AK5: variants seen among roughly 807,000 people sequenced by gnomAD.
The protein encoded by AK5 is adenylate kinase 5.
Under a neutral mutation model 69.5 loss-of-function variants are expected in AK5, and 27 were observed. The observed-to-expected ratio is 0.39, with a 90% CI of 0.29 to 0.54. AK5 has a LOEUF of 0.54. AK5 is among the 20% of genes least tolerant of loss of function. The probability of loss-of-function intolerance (pLI) is 0.71; values close to 1 mark genes in which losing one functional copy is unlikely to be tolerated. For synonymous variants in AK5, 260 were observed against 244.4 expected, an observed-to-expected ratio of 1.06 and a Z score of -0.60; for missense variants, 531 against 700.4, an observed-to-expected ratio of 0.76 and a Z score of 2.73.
In AK5 at chr1:77,410,991, A is replaced by G. The variant is rs773021365; in HGVS notation, c.902A>G (p.Asp301Gly). 5 of 1,613,696 alleles carry G rather than the reference A, an allele frequency of 3.1e-6. No homozygotes were observed. The Admixed American group carries it at 6.7e-5, about 22-fold the overall frequency. ...CCTGATTTCCCCCAGTTTGATGCCG[A>G]CCGCGATGAGGATGAGGTGTTCTAT... ...EKGLIMTFDA[D>G]RDEDEVFYDI... The change falls in exon 7 of 14, where the codon GAC (aspartate) becomes GGC (glycine). Residue 301 changes from aspartate (D) to glycine (G), a missense_variant. Transcript: ENST00000354567.
chr1:77,394,597 C>T (rs1378157421), intron 6 of AK5, among the ~76,000 whole-genome samples: 1 of 151,772 alleles, frequency 6.6e-6, no homozygotes, highest in African/African-American at 2.4e-5. Flanking sequence ...TTTTACTGAA[C>T]AATGAACTCT....
chr1:77,496,406 A>G (rs1178148111), intron 10 of AK5, among the ~76,000 whole-genome samples: 1 of 152,234 alleles, frequency 6.6e-6, no homozygotes, highest in East Asian at 1.9e-4. Flanking sequence ...TCAGTGACAC[A>G]TCATCAGCTT....
intron 12 of AK5, among the ~76,000 whole-genome samples, chr1:77,525,586 A>T (rs1658230358): frequency 6.6e-6 from 1 of 152,096 alleles, no homozygotes; most frequent in Non-Finnish European, 1.5e-5. Flanking sequence ...AGAGAATGAG[A>T]ACTCAGTCAT....
At chr1:77,289,356 C>T (rs1222167044) in intron 2 of AK5, among the ~76,000 whole-genome samples, 1 of 152,112 alleles carries the variant, frequency 6.6e-6, no homozygotes, top group Non-Finnish European at 1.5e-5. Context: ...AGTTCATACA[C>T]ATCCCCAGCA....
intron 6 of AK5, among the ~76,000 whole-genome samples, chr1:77,409,904 A>C (rs988819995): frequency 6.6e-6 from 1 of 152,078 alleles, no homozygotes; most frequent in Non-Finnish European, 1.5e-5. Context: ...ATCTATCTTA[A>C]GTTCATTTTC....
chr1:77,367,400 C>G (rs1041896224), intron 6 of AK5, among the ~76,000 whole-genome samples: 2 of 149,754 alleles, frequency 1.3e-5, no homozygotes, highest in Non-Finnish European at 3.0e-5. Flanking sequence ...GCAACCATGG[C>G]CCACTGAGAC....
intron 13 of AK5, among the ~76,000 whole-genome samples, chr1:77,536,536 C>T (rs1658980666): frequency 6.6e-6 from 1 of 152,112 alleles, no homozygotes; most frequent in South Asian, 2.1e-4. Flanking sequence ...AAATATCTGT[C>T]GTCATATAGA....
intron 8 of AK5, among the ~76,000 whole-genome samples, chr1:77,474,491 A>G (rs770572116): frequency 2.6e-5 from 4 of 152,230 alleles, no homozygotes; most frequent in African/African-American, 4.8e-5. Context: ...AGTAGGGTCC[A>G]GGTCAGACTG....
intron 8 of AK5, among the ~76,000 whole-genome samples, chr1:77,443,707 G>A (rs963394488): frequency 2.0e-5 from 3 of 151,370 alleles, no homozygotes; most frequent in South Asian, 4.2e-4. Flanking sequence ...GTGTGTGTGT[G>A]TGTGTGTGTG....
rs1660288361 is a variant in AK5, at chr1:77,559,054, A to AC, written c.*389dup. ...GTTCTCCTCTCATTAAGCATCCCTA[A>AC]CCCCCAGTCACACCTTCCTCTTACA... On this transcript the variant is annotated 3_prime_UTR_variant, in exon 14 of 14. Coordinates refer to ENST00000354567, the MANE Select transcript of AK5 (RefSeq NM_174858.3). 6.4e-6 allele frequency: 1 copy of AC among 155,364 alleles called. No individual in the cohort carries two copies. Among genetic ancestry groups the AC allele is most frequent in the Admixed American group, 6.5e-5 (1 of 15,360 alleles). The allele number at this position is 155,364 out of a possible 1,614,324, so 9.6% of individuals were successfully genotyped here.
In AK5 at chr1:77,340,681, G is replaced by A. The variant is rs573850096; in HGVS notation, c.891+113G>A. 34 of 836,052 alleles carry A rather than the reference G, an allele frequency of 4.1e-5. No individual in the cohort carries two copies. The South Asian group carries it at 7.6e-4, about 19-fold the overall frequency. The allele number at this position is 836,052 out of a possible 1,614,324, so 51.8% of individuals were successfully genotyped here. ...TACCTTAAAAAGTGGCTTTTGGGGG[G>A]TACAGAACCAATGGAAAAAAATGTA... On this transcript the variant is annotated intron_variant, in intron 6 of 13. Transcript: ENST00000354567.
intron 13 of AK5, among the ~76,000 whole-genome samples, chr1:77,542,080 GC>G (rs1659307615): frequency 1.3e-5 from 2 of 152,132 alleles, no homozygotes; most frequent in Admixed American, 1.3e-4. Context: ...TGTAATCCCA[GC>G]CCTTTGGGAG....
intron 8 of AK5, among the ~76,000 whole-genome samples, chr1:77,443,340 T>G (rs948175546): frequency 4.6e-5 from 7 of 152,192 alleles, no homozygotes; most frequent in Non-Finnish European, 7.3e-5. Flanking sequence ...ATGCATCCAT[T>G]ACAAACAAGA....
intron 6 of AK5, among the ~76,000 whole-genome samples, chr1:77,355,370 C>T (rs1662457456): frequency 6.6e-6 from 1 of 152,200 alleles, no homozygotes; most frequent in South Asian, 2.1e-4. Flanking sequence ...AGTTGTACTG[C>T]TCCACTTCAT....
intron 6 of AK5, among the ~76,000 whole-genome samples, chr1:77,370,942 T>C (rs1048675787): frequency 6.6e-6 from 1 of 152,246 alleles, no homozygotes; most frequent in Non-Finnish European, 1.5e-5. Flanking sequence ...TGCCATACTT[T>C]GTTCTACAGC....
intron 10 of AK5, among the ~76,000 whole-genome samples, chr1:77,516,510 C>T (rs1335692350): frequency 6.6e-6 from 1 of 151,976 alleles, no homozygotes; most frequent in Admixed American, 6.6e-5. Context: ...TATCAAACAT[C>T]ACATTGTACA....
At chr1:77,410,804 C>T (rs544765411) in intron 6 of AK5, among the ~76,000 whole-genome samples, 177 bp from the exon 7 acceptor site, 2 of 152,092 alleles carry the variant, frequency 1.3e-5, no homozygotes, top group African/African-American at 2.4e-5. Context: ...CTTCTCTGTT[C>T]GATAGGAGGT....
At chr1:77,358,845 A>G (rs1232051406) in intron 6 of AK5, among the ~76,000 whole-genome samples, 1 of 151,602 alleles carries the variant, frequency 6.6e-6, no homozygotes, top group Admixed American at 6.6e-5. Flanking sequence ...GAAAAAGCCT[A>G]TTTTTGTAAA....
At chr1:77,353,002 A>T (rs1273143854) in intron 6 of AK5, among the ~76,000 whole-genome samples, 2 of 152,146 alleles carry the variant, frequency 1.3e-5, no homozygotes, top group South Asian at 4.1e-4. Flanking sequence ...CTTCTCAGAG[A>T]TTCTTCAAGT....
Sources: allele counts gnomAD v4.1 joint callset (sites outside exome capture counted in the v4.1 genomes callset), GRCh38; gene constraint gnomAD v4.1.1; transcripts MANE v1.5; gene names NCBI Gene and HGNC (gene_info 2026-07-23, HGNC 2026-07-21).